Variants in RSRP1 observed in about 807,000 individuals in gnomAD.
The protein encoded by RSRP1 is arginine/serine-rich protein 1.
RSRP1 carries 37 observed loss-of-function variants against 33.0 expected under a neutral mutation model. The ratio of observed to expected loss-of-function variants is 1.12; its 90% CI spans 0.86 to 1.48. RSRP1 has a LOEUF of 1.48. Among genes scored for constraint, RSRP1 ranks in the 40% most tolerant of loss-of-function variants. RSRP1 has a pLI of 0.00. For synonymous variants in RSRP1, 167 were observed against 158.7 expected (o/e 1.05, Z -0.40); for missense variants, 402 against 385.3 (o/e 1.04, Z -0.36).
intron 1 of RSRP1, among the ~76,000 whole-genome samples, chr1:25,287,795 C>A (rs1642167673): frequency 7.5e-6 from 1 of 134,168 alleles, no homozygotes; most frequent in African/African-American, 2.6e-5. Context: ...AATCATAGCT[C>A]ATTGCAGCCT....
At position 25,285,134 on chromosome 1, in the gene RSRP1, A is replaced by ATTTTTT. The variant is rs869147845; in HGVS notation, c.-66-38111_-66-38106dup. ...CATGCCACACCTAGAGAGACATTCT[A>ATTTTTT]TTTTTTTTTTTTTTTTTGAGACGGA... is the stretch of plus-strand genomic sequence containing the variant. On this transcript the variant is annotated intron_variant, in intron 1 of 1. Coordinates refer to the RSRP1 transcript ENST00000561867. Among the ~76,000 whole-genome samples, 148 of 120,748 alleles carry ATTTTTT rather than the reference A, an allele frequency of 1.2e-3. 6 individuals carry two copies. The highest frequency in any genetic ancestry group is 4.4e-3 in the African/African-American group (147 of 33,546). The allele number at this position is 120,748 out of a possible 152,430, so 79.2% of individuals were successfully genotyped here.
intron 1 of RSRP1, among the ~76,000 whole-genome samples, chr1:25,277,124 G>GAAGAATATAGAGAAATGCATATCAA (rs1211491401): frequency 1.5e-5 from 2 of 133,066 alleles, no homozygotes; most frequent in East Asian, 3.9e-4. Flanking sequence ...GTTGCAATAT[G>GAAGAATATAGAGAAATGCATATCAA]AAGAATATAG....
chr1:25,285,781 T>C (rs1332023784), intron 1 of RSRP1, among the ~76,000 whole-genome samples: 1 of 135,298 alleles, frequency 7.4e-6, no homozygotes, highest in Non-Finnish European at 1.8e-5. Context: ...AAACATTGTT[T>C]TGTTTTGTTC....
intron 1 of RSRP1, among the ~76,000 whole-genome samples, chr1:25,255,136 G>C (rs982025973): frequency 2.6e-5 from 4 of 152,168 alleles, no homozygotes; most frequent in African/African-American, 9.7e-5. Flanking sequence ...TAACTTCGGT[G>C]ATGGCACAGT....
At chr1:25,312,919 C>CAAAAAAAA (rs1571719513) in intron 1 of RSRP1, among the ~76,000 whole-genome samples, 1 of 3,618 alleles carries the variant, frequency 2.8e-4, no homozygotes, top group Non-Finnish European at 1.0e-3. Flanking sequence ...AATCCCATCT[C>CAAAAAAAA]TAAAAAAAAA....
intron 1 of RSRP1, chr1:25,267,662 C>G (rs993095282): frequency 7.6e-6 from 1 of 131,006 alleles, no homozygotes; most frequent in African/African-American, 2.6e-5. Flanking sequence ...TTGCACCACG[C>G]GGGACCCGGC....
Position 25,270,253 on chromosome 1 carries a change from G to C in RSRP1, c.-66-23224C>G, listed in dbSNP as rs1432272386. Among the ~76,000 whole-genome samples the C allele has an allele frequency of 1.5e-5, 2 of 130,696 alleles. 1 individual carries two copies. The highest frequency in any genetic ancestry group is 3.6e-5 in the Non-Finnish European group (2 of 55,286). 85.7% of individuals were successfully genotyped at this position (130,696 alleles called of 152,430 possible). On this transcript the variant is annotated intron_variant, in intron 1 of 1. Transcript: ENST00000561867. ...TGCTGTTGGGGTAGCAGAGGGCTTAGAAGCCCATGTTCCTAGACTTTTAGA... is the reference window on the plus strand; with the variant it reads ...TGCTGTTGGGGTAGCAGAGGGCTTACAAGCCCATGTTCCTAGACTTTTAGA...
At chr1:25,259,376 A>AG (rs2124560445) in intron 1 of RSRP1, among the ~76,000 whole-genome samples, 1 of 152,186 alleles carries the variant, frequency 6.6e-6, no homozygotes, top group East Asian at 1.9e-4. Context: ...CATAGGCCTG[A>AG]GCCACTGTGC....
intron 1 of RSRP1, chr1:25,284,751 A>G (rs1557521301): frequency 3.6e-6 from 5 of 1,388,656 alleles, no homozygotes; most frequent in Non-Finnish European, 3.0e-6. Context: ...TGGTCATCAC[A>G]CTGTTCAGGT....
rs598439 is a variant in RSRP1, at chr1:25,279,575, A to C, written c.-66-32546T>G. Among the ~76,000 whole-genome samples the C allele has an allele frequency of 1.6e-3, 208 of 128,500 alleles. 1 individual carries two copies. The highest frequency in any genetic ancestry group is 4.3e-3 in the African/African-American group (154 of 36,156). The allele number at this position is 128,500 out of a possible 152,430, so 84.3% of individuals were successfully genotyped here. On this transcript the variant is annotated intron_variant, in intron 1 of 1. Coordinates refer to the RSRP1 transcript ENST00000561867. ...CACCTCTCTGTGCCTCCCTTTCCCC[A>C]TCTCTAAAATGGGGATAATAAATCG... is the stretch of plus-strand genomic sequence containing the variant.
At chr1:25,255,902 T>G (rs555796754) in intron 1 of RSRP1, among the ~76,000 whole-genome samples, 1 of 152,084 alleles carries the variant, frequency 6.6e-6, no homozygotes, top group Non-Finnish European at 1.5e-5. Flanking sequence ...GGAGTGGCTG[T>G]GAATACAGAT....
At chr1:25,281,097 G>C (rs1441857809) in intron 1 of RSRP1, among the ~76,000 whole-genome samples, 1 of 132,548 alleles carries the variant, frequency 7.5e-6, no homozygotes, top group East Asian at 1.9e-4. Context: ...TAATGGACTT[G>C]CCTAAGATCA....
chr1:25,267,959 G>A (rs1160755800), intron 1 of RSRP1: 5 of 133,498 alleles, frequency 3.7e-5, no homozygotes, highest in African/African-American at 1.3e-4. Flanking sequence ...CCGGCGCCCC[G>A]CCCTCCGCCC....
intron 1 of RSRP1, among the ~76,000 whole-genome samples, chr1:25,293,440 A>G (rs1212606726): frequency 7.6e-6 from 1 of 130,930 alleles, no homozygotes; most frequent in African/African-American, 2.6e-5. Context: ...TGCGGAAATA[A>G]CAATTTATTA....
chr1:25,299,654 C>T (rs57022509), intron 1 of RSRP1, among the ~76,000 whole-genome samples: 3 of 131,324 alleles, frequency 2.3e-5, no homozygotes, highest in African/African-American at 7.8e-5. Flanking sequence ...AGAGTGGATC[C>T]TGCAGGGTCG....
intron 1 of RSRP1, chr1:25,306,984 A>T: frequency 2.3e-6 from 1 of 436,076 alleles, no homozygotes; most frequent in Non-Finnish European, 4.7e-6. Flanking sequence ...ATCTTTTGTG[A>T]TCCCACAAAC....
At chr1:25,243,130 G>C (rs993682417) in intron 4 of RSRP1, among the ~76,000 whole-genome samples, 1 of 152,024 alleles carries the variant, frequency 6.6e-6, no homozygotes, top group African/African-American at 2.4e-5. Context: ...CAAACACATA[G>C]TGTGAACCTT....
chr1:25,330,953 C>CTTTTTTTT (rs71014353), intron 1 of RSRP1, among the ~76,000 whole-genome samples: 2 of 34,730 alleles, frequency 5.8e-5, no homozygotes, highest in African/African-American at 2.0e-4. Context: ...TGTCATCTTC[C>CTTTTTTTT]TTTTTTTTTT....
rs527592093 is a variant in RSRP1, at chr1:25,301,771, C to T, written c.-67+36207G>A. The T allele has an allele frequency of 4.4e-3, 4,540 of 1,022,272 alleles. 605 individuals carry two copies. In the East Asian group the frequency reaches 0.064, roughly 14 times the overall value. The allele number at this position is 1,022,272 out of a possible 1,614,324, so 63.3% of individuals were successfully genotyped here. ...ATGCCCCTCCCCACCCCAGGGCCAG[C>T]GTGGGTTGGGAGAGGGCATGCCGGG... On this transcript the variant is annotated intron_variant, in intron 1 of 1. Transcript: ENST00000561867.
Sources: allele counts gnomAD v4.1 joint callset (sites outside exome capture counted in the v4.1 genomes callset), GRCh38; gene constraint gnomAD v4.1.1; transcripts MANE v1.5; gene names NCBI Gene and HGNC (gene_info 2026-07-23, HGNC 2026-07-21).